GPR179: variants seen among roughly 807,000 people sequenced by gnomAD.
GPR179 encodes G protein-coupled receptor 179.
Under a neutral mutation model 70.8 loss-of-function variants are expected in GPR179, and 52 were observed. The ratio of observed to expected loss-of-function variants is 0.73; its 90% CI spans 0.59 to 0.93. The LOEUF is 0.93. Ranked by LOEUF, GPR179 falls within the 40% of genes least tolerant of loss-of-function variation. The pLI, the probability that GPR179 is intolerant of heterozygous loss-of-function variation, is 0.00. For synonymous variants in GPR179, 1,123 were observed against 1,169.0 expected (o/e 0.96, Z 0.80); for missense variants, 2,734 against 2,966.8 (o/e 0.92, Z 1.82).
In GPR179 at chr17:38,329,934, A is replaced by G. The variant is rs2037335534; in HGVS notation, c.3635T>C (p.Ile1212Thr). 4 of 1,613,974 alleles carry G rather than the reference A, an allele frequency of 2.5e-6. No homozygotes were observed. The highest frequency in any genetic ancestry group is 1.6e-4 in the Middle Eastern group (1 of 6,084). Residue 1212 changes from isoleucine to threonine, a missense_variant, in exon 11 of 11, where the codon ATC (isoleucine) becomes ACC (threonine). Coordinates refer to ENST00000616987, the MANE Select transcript of GPR179 (RefSeq NM_001004334.4). ...MLRQVSRDKN[I>T]KQSKETPVGW... ...GACAGGGGTTTCTTTTGATTGCTTGATGTTTTTGTCCCTGGAAACTTGCCT... is the reference window on the plus strand; with the variant it reads ...GACAGGGGTTTCTTTTGATTGCTTGGTGTTTTTGTCCCTGGAAACTTGCCT...
Position 38,329,886 on chromosome 17 carries a change from G to A in GPR179, c.3683C>T (p.Ala1228Val). 6.2e-7 allele frequency: 1 copy of A among 1,614,178 alleles called. No homozygotes were observed. Among genetic ancestry groups the A allele is most frequent in the Non-Finnish European group, 8.5e-7 (1 of 1,179,998 alleles). ...AGCGCTGCCCAGGGACTGGAGGCCA[G>A]CTTTGGGCAGTTCCTGCCACCCGAC... ...TPVGWQELPKAGLQSLGSADH... is the reference protein window; with the variant it reads ...TPVGWQELPKVGLQSLGSADH... The change falls in exon 11 of 11, where the codon GCT (alanine) becomes GTT (valine). Residue 1228 changes from alanine (A) to valine (V), a missense_variant. Transcript: ENST00000616987.
At position 38,343,682 on chromosome 17, in the gene GPR179, G is replaced by C. The variant is rs758246595; in HGVS notation, c.108C>G (p.Pro36=). The change falls in exon 1 of 11, where the codon CCC becomes CCG. Residue 36 remains proline, a synonymous_variant. Transcript: ENST00000616987. The surrounding 1 kb of genome is among the most constrained non-coding windows in gnomAD (Gnocchi z 4.2). ...LGGPRPIRSL[P]PLSSQVKPGS... Reference sequence around the variant, plus strand: ...CTGGCTTGACTTGGGAAGACAGAGGGGGCAGAGAGCGGATGGGCCGTGGAC... The same window carrying C: ...CTGGCTTGACTTGGGAAGACAGAGGCGGCAGAGAGCGGATGGGCCGTGGAC... 4.3e-6 allele frequency: 7 copies of C among 1,610,110 alleles called. No homozygotes were observed. In the South Asian group the frequency reaches 7.7e-5, roughly 18 times the overall value.
chr17:38,334,422 G>T lies in GPR179; in HGVS notation c.1784+282C>A, dbSNP rs922854870. On this transcript the variant is annotated intron_variant, in intron 8 of 10. Transcript: ENST00000616987. This position sits in a 1 kb window ranked among gnomAD's most constrained non-coding sequence, Gnocchi z 4.7. ...GGAGGACTGAGCATGTGTGGAAAGG[G>T]GTATGTTGGGGTGCTGGAGAGGTGC... is the stretch of plus-strand genomic sequence containing the variant. 3.3e-5 allele frequency among the ~76,000 whole-genome samples: 5 copies of T among 152,144 alleles called. No homozygotes were observed. The highest frequency in any genetic ancestry group is 1.2e-4 in the African/African-American group (5 of 41,442).
chr17:38,340,181 G>A (rs1799754562), intron 1 of GPR179, among the ~76,000 whole-genome samples: 1 of 152,100 alleles, frequency 6.6e-6, no homozygotes, highest in South Asian at 2.1e-4. Flanking sequence ...CTGTTGCCCA[G>A]GCTGGAGTGC....
In GPR179 at chr17:38,343,498, C is replaced by A. The variant is rs1428720042; in HGVS notation, c.292G>T (p.Ala98Ser). ...MPGLPPSLQG[A>S]AGTLAQAANF... is the part of the protein sequence containing the mutation. ...GCGGCCTGGGCAAGGGTGCCCGCTGCCCCCTGTAGGCTTGGGGGGAGCCCT... is the reference window on the plus strand; with the variant it reads ...GCGGCCTGGGCAAGGGTGCCCGCTGACCCCTGTAGGCTTGGGGGGAGCCCT... The change falls in exon 1 of 11, where the codon GCA (alanine) becomes TCA (serine). Residue 98 changes from alanine to serine, a missense_variant. Coordinates refer to ENST00000616987, the MANE Select transcript of GPR179 (RefSeq NM_001004334.4). This position sits in a 1 kb window ranked among gnomAD's most constrained non-coding sequence, Gnocchi z 4.2. 6.2e-7 allele frequency: 1 copy of A among 1,613,848 alleles called. No individual in the cohort carries two copies. Among genetic ancestry groups the A allele is most frequent in the Admixed American group, 1.7e-5 (1 of 60,030 alleles).
In GPR179 at chr17:38,335,281, T is replaced by C. The variant is rs1313535754; in HGVS notation, c.1407-10A>G. Reference sequence around the variant, plus strand: ...AAACAGCTGCAGCACTCTGCGAGGGTTAGAATACACAGGGTGGATGGCAGG... The same window carrying C: ...AAACAGCTGCAGCACTCTGCGAGGGCTAGAATACACAGGGTGGATGGCAGG... On this transcript the variant is annotated splice_polypyrimidine_tract_variant and intron_variant, in intron 6 of 10. Coordinates refer to ENST00000616987, the MANE Select transcript of GPR179 (RefSeq NM_001004334.4). 2.6e-6 allele frequency: 4 copies of C among 1,543,178 alleles called. No homozygotes were observed. In the East Asian group the frequency reaches 9.8e-5, roughly 38 times the overall value.
At chr17:38,333,524 TG>T in intron 9 of GPR179, 127 bp from the exon 10 acceptor site, 1 of 995,974 alleles carries the variant, frequency 1.0e-6, no homozygotes, top group Non-Finnish European at 1.4e-6. Context: ...CTTGGAATTC[TG>T]GGGATCTTTA....
chr17:38,337,662 G>GTACTGCTC lies in GPR179; in HGVS notation c.961_962insGAGCAGTA (p.Pro321ArgfsTer15). 6.3e-7 allele frequency: 1 copy of GTACTGCTC among 1,598,640 alleles called. No homozygotes were observed. Among genetic ancestry groups the GTACTGCTC allele is most frequent in the Admixed American group, 1.7e-5 (1 of 57,840 alleles). ...AGAGGGGCTTGCCCCGTAGAATCCAGGTCGGCAGCGGCAGAGGTAGCGGCC... is the reference window on the plus strand; with the variant it reads ...AGAGGGGCTTGCCCCGTAGAATCCAGTACTGCTCGTCGGCAGCGGCAGAGGTAGCGGCC... On this transcript the variant is annotated frameshift_variant, in exon 3 of 11. Transcript: ENST00000616987. LOFTEE classifies it high-confidence loss of function.
Position 38,336,996 on chromosome 17 carries a change from G to A in GPR179, c.1209C>T (p.Tyr403=). The part of the protein sequence containing the change: ...LAIFLSMLVS[Y]RCRRNKRIWA... ...TCCTTGCCTTGTTCCGGCGGCAGCGGTAGGAGACCAGCATGCTCAGGAAGA... is the reference window on the plus strand; with the variant it reads ...TCCTTGCCTTGTTCCGGCGGCAGCGATAGGAGACCAGCATGCTCAGGAAGA... Residue 403 remains tyrosine, a synonymous_variant, in exon 4 of 11, where the codon TAC becomes TAT. Coordinates refer to ENST00000616987, the MANE Select transcript of GPR179 (RefSeq NM_001004334.4). 1 of 1,602,452 alleles carries A rather than the reference G, an allele frequency of 6.2e-7. No homozygotes were observed. Among genetic ancestry groups the A allele is most frequent in the Non-Finnish European group, 8.5e-7 (1 of 1,175,678 alleles).
chr17:38,328,137 G>C lies in GPR179; in HGVS notation c.5432C>G (p.Thr1811Ser), dbSNP rs1357010803. 6.2e-7 allele frequency: 1 copy of C among 1,613,578 alleles called. No homozygotes were observed. The highest frequency in any genetic ancestry group is 2.2e-5 in the East Asian group (1 of 44,866). ...VCPWEAQEAA[T>S]SEKAKICPWE... Reference sequence around the variant, plus strand: ...GGGACAGATCTTGGCTTTTTCACTGGTAGCAGCTTCCTGTGCTTCCCAGGG... The same window carrying C: ...GGGACAGATCTTGGCTTTTTCACTGCTAGCAGCTTCCTGTGCTTCCCAGGG... The change falls in exon 11 of 11, where the codon ACC becomes AGC. Residue 1811 changes from threonine (T) to serine (S), a missense_variant. Transcript: ENST00000616987.
Position 38,326,710 on chromosome 17 carries a change from A to G in GPR179, c.6859T>C (p.Phe2287Leu), listed in dbSNP as rs1371730132. Residue 2287 changes from phenylalanine (F) to leucine (L), a missense_variant, in exon 11 of 11, where the codon TTT becomes CTT. Physicochemically the swap from Phe to Leu is conservative, Grantham distance 22. Transcript: ENST00000616987. ...GGGCAGGGGATTTTGCTTTCTGGAA[A>G]GAAGTGATCCAGAGGCCCATGGACT... ...LLVHGPLDHF[F>L]PESKIPCPKV... 1.9e-6 allele frequency: 3 copies of G among 1,614,182 alleles called. No individual in the cohort carries two copies. Among genetic ancestry groups the G allele is most frequent in the Admixed American group, 1.7e-5 (1 of 60,016 alleles).
At position 38,329,777 on chromosome 17, in the gene GPR179, G is replaced by C; in HGVS notation, c.3792C>G (p.Ile1264Met). ...RQPDSGNKAE[I>M]CPWETSEGAP... ...CTCCTTCACTCGTCTCCCAGGGGCA[G>C]ATTTCGGCCTTGTTGCCACTGTCTG... The change falls in exon 11 of 11, where the codon ATC (isoleucine) becomes ATG (methionine). Residue 1264 changes from isoleucine (I) to methionine (M), a missense_variant. Physicochemically the swap from Ile to Met is conservative, Grantham distance 10. Coordinates refer to ENST00000616987, the MANE Select transcript of GPR179 (RefSeq NM_001004334.4). 1.2e-6 allele frequency: 2 copies of C among 1,614,158 alleles called. No individual in the cohort carries two copies. The highest frequency in any genetic ancestry group is 1.7e-6 in the Non-Finnish European group (2 of 1,180,036).
chr17:38,326,413 G>C lies in GPR179; in HGVS notation c.*52C>G, dbSNP rs982802249. 7 of 1,370,762 alleles carry C rather than the reference G, an allele frequency of 5.1e-6. No individual in the cohort carries two copies. Among genetic ancestry groups the C allele is most frequent in the Non-Finnish European group, 6.0e-6 (6 of 994,258 alleles). 84.9% of individuals were successfully genotyped at this position (1,370,762 alleles called of 1,614,324 possible). On this transcript the variant is annotated 3_prime_UTR_variant, in exon 11 of 11. Coordinates refer to ENST00000616987, the MANE Select transcript of GPR179 (RefSeq NM_001004334.4). ...TTTGGGAACACCTGGACTTGGAAAG[G>C]GCCTTGGCTCCTGAAAGCTAGCTCT...
At position 38,329,059 on chromosome 17, in the gene GPR179, C is replaced by T. The variant is rs201605910; in HGVS notation, c.4510G>A (p.Glu1504Lys). Reference sequence around the variant, plus strand: ...CCTTTTCTGGAGGCTTTTTCCTTTTCTTGAAGAGATTCTCTACCTGTCCCC... The same window carrying T: ...CCTTTTCTGGAGGCTTTTTCCTTTTTTTGAAGAGATTCTCTACCTGTCCCC... ...SLGTGRESLQ[E>K]KEKASRKGSF... Residue 1504 changes from glutamate (E) to lysine (K), a missense_variant, in exon 11 of 11, where the codon GAA becomes AAA. Coordinates refer to ENST00000616987, the MANE Select transcript of GPR179 (RefSeq NM_001004334.4). The T allele has an allele frequency of 6.2e-7, 1 of 1,613,812 alleles. No individual in the cohort carries two copies. Among genetic ancestry groups the T allele is most frequent in the African/African-American group, 1.3e-5 (1 of 74,906 alleles).
chr17:38,326,910 T>C lies in GPR179; in HGVS notation c.6659A>G (p.Glu2220Gly). 6.2e-7 allele frequency: 1 copy of C among 1,614,218 alleles called. No homozygotes were observed. Among genetic ancestry groups the C allele is most frequent in the Non-Finnish European group, 8.5e-7 (1 of 1,180,050 alleles). The stretch of plus-strand genomic sequence containing the variant: ...ATCTGTGATTTCCCATTGGCACAGC[T>C]CTGCCATCCTGCTTCCCATGCTGCC... ...EAGSMGSRMAELCQWEITDPE... is the reference protein window; with the variant it reads ...EAGSMGSRMAGLCQWEITDPE... Residue 2220 changes from glutamate (E) to glycine (G), a missense_variant, in exon 11 of 11, where the codon GAG becomes GGG. Coordinates refer to ENST00000616987, the MANE Select transcript of GPR179 (RefSeq NM_001004334.4).
chr17:38,337,206 C>T lies in GPR179; in HGVS notation c.999G>A (p.Glu333=). The T allele has an allele frequency of 6.2e-7, 1 of 1,610,316 alleles. No individual in the cohort carries two copies. The highest frequency in any genetic ancestry group is 1.3e-5 in the African/African-American group (1 of 75,014). Residue 333 remains glutamate, a synonymous_variant, in exon 4 of 11, where the codon GAG becomes GAA. Coordinates refer to ENST00000616987, the MANE Select transcript of GPR179 (RefSeq NM_001004334.4). Reference sequence around the variant, plus strand: ...GCCCGGTAGTCTGGAAGTCACTCTCCTCTAACCCTATAAAGAACAAGATGA... The same window carrying T: ...GCCCGGTAGTCTGGAAGTCACTCTCTTCTAACCCTATAAAGAACAAGATGA... The part of the protein sequence containing the change: ...FYGASPSGGL[E]ESDFQTTGQF...
At chr17:38,335,298 G>A (rs750830516) in intron 6 of GPR179, 27 bp from the exon 7 acceptor site, 1 of 1,511,206 alleles carries the variant, frequency 6.6e-7, no homozygotes, top group South Asian at 1.2e-5. Flanking sequence ...ACACAGGGTG[G>A]ATGGCAGGGA....
At position 38,328,382 on chromosome 17, in the gene GPR179, A is replaced by C. The variant is rs1174545209; in HGVS notation, c.5187T>G (p.Asn1729Lys). The change falls in exon 11 of 11, where the codon AAT (asparagine) becomes AAG (lysine). Residue 1729 changes from asparagine (N) to lysine (K), a missense_variant. Physicochemically the swap from Asn to Lys is moderately conservative, Grantham distance 94. Transcript: ENST00000616987. ...GATCTGCAGAAACCTTGCCTGTATC[A>C]TTTGGAGATTTCCTAATGGCCTCAG... is the stretch of plus-strand genomic sequence containing the variant. ...LGAEAIRKSP[N>K]DTGKVSADLG... The C allele has an allele frequency of 2.5e-6, 4 of 1,612,608 alleles. No homozygotes were observed. The highest frequency in any genetic ancestry group is 1.7e-4 in the Middle Eastern group (1 of 6,048).
Position 38,343,268 on chromosome 17 carries a change from G to T in GPR179, c.522C>A (p.Ile174=). 1 of 1,614,172 alleles carries T rather than the reference G, an allele frequency of 6.2e-7. No homozygotes were observed. Among genetic ancestry groups the T allele is most frequent in the Non-Finnish European group, 8.5e-7 (1 of 1,180,026 alleles). ...CCCAGTTCCCAGACAAGTCCTGCAG[G>T]ATGGTTTCCTCCCCAGTCCGGGTGG... is the stretch of plus-strand genomic sequence containing the variant. ...LQATRTGEET[I]LQDLSGNWVQ... is the part of the protein sequence containing the mutation. Residue 174 remains isoleucine (I), a synonymous_variant, in exon 1 of 11, where the codon ATC becomes ATA. Transcript: ENST00000616987. This position sits in a 1 kb window ranked among gnomAD's most constrained non-coding sequence, Gnocchi z 4.2.
Sources: gnomAD v4.1 joint callset for allele counts (sites outside exome capture counted in the v4.1 genomes callset) on GRCh38, gnomAD v4.1.1 for gene constraint, Gnocchi (gnomAD v3.1) non-coding constraint, MANE v1.5 for transcripts, NCBI Gene and HGNC (gene_info 2026-07-23, HGNC 2026-07-21) for gene names.